The following R3HDML variants were observed in gnomAD, a reference collection of about 807,000 sequenced individuals.
R3HDML encodes the protein peptidase inhibitor R3HDML.
R3HDML carries 21 observed loss-of-function variants against 24.2 expected under a neutral mutation model. That is an observed-to-expected ratio of 0.87 (90% CI 0.62 to 1.25). R3HDML has a LOEUF of 1.25. R3HDML is among the 50% of genes most tolerant of loss of function. R3HDML has a pLI of 0.00. For synonymous variants in R3HDML, 133 were observed against 131.5 expected (o/e 1.01, Z -0.08); for missense variants, 301 against 340.3 (o/e 0.88, Z 0.91).
chr20:44,343,508 A>G lies in R3HDML; in HGVS notation c.512A>G (p.Gln171Arg), dbSNP rs1049741481. 16 of 1,600,686 alleles carry G rather than the reference A, an allele frequency of 1.0e-5. No homozygotes were observed. The highest frequency in any genetic ancestry group is 1.4e-5 in the Non-Finnish European group (16 of 1,173,836). Residue 171 changes from glutamine (Q) to arginine (R), a missense_variant and splice_region_variant, in exon 3 of 5, where the codon CAG becomes CGG. Transcript: ENST00000217043. The part of the protein sequence containing the change: ...CDGPTCSHYT[Q>R]MVWASSNRLG... Reference sequence around the variant, plus strand: ...GGCCCCACCTGCTCCCATTATACCCAGGTACTCCTCCGTCAGGGCTGAGGG... The same window carrying G: ...GGCCCCACCTGCTCCCATTATACCCGGGTACTCCTCCGTCAGGGCTGAGGG...
chr20:44,340,499 G>A (rs892155086), intron 1 of R3HDML, among the ~76,000 whole-genome samples: 5 of 152,180 alleles, frequency 3.3e-5, no homozygotes, highest in Non-Finnish European at 4.4e-5. Context: ...CTACAAGGCC[G>A]GGTGCGATCC....
Position 44,350,750 on chromosome 20 carries a change from G to A in R3HDML, c.720G>A (p.Met240Ile). 6.2e-7 allele frequency: 1 copy of A among 1,614,114 alleles called. No individual in the cohort carries two copies. Among genetic ancestry groups the A allele is most frequent in the Non-Finnish European group, 8.5e-7 (1 of 1,179,990 alleles). Residue 240 changes from methionine (M) to isoleucine (I), a missense_variant, in exon 5 of 5, where the codon ATG becomes ATA. Coordinates refer to ENST00000217043, the MANE Select transcript of R3HDML (RefSeq NM_178491.4). ...PSYQGSCNSN[M>I]CFKGLKSNKF... ...ATCAAGGCAGCTGCAATAGCAACAT[G>A]TGCTTCAAGGGGCTGAAATCCAACA...
At chr20:44,342,142 A>G (rs1003653409) in intron 2 of R3HDML, among the ~76,000 whole-genome samples, 1 of 152,220 alleles carries the variant, frequency 6.6e-6, no homozygotes, top group South Asian at 2.1e-4. Flanking sequence ...TCACAGGCCT[A>G]TAAAATTGCA....
chr20:44,347,907 G>C (rs1221278095), intron 4 of R3HDML: 1 of 150,994 alleles, frequency 6.6e-6, no homozygotes. Context: ...AGCTTTATCA[G>C]AGACAGAAAA....
chr20:44,350,025 G>T (rs764135322), intron 4 of R3HDML, among the ~76,000 whole-genome samples: 1 of 152,064 alleles, frequency 6.6e-6, no homozygotes, highest in South Asian at 2.1e-4. Context: ...AGCCAAGATC[G>T]CACCATTGCA....
intron 4 of R3HDML, among the ~76,000 whole-genome samples, chr20:44,348,026 A>G (rs192500470): frequency 1.4e-5 from 2 of 139,518 alleles, no homozygotes; most frequent in South Asian, 2.2e-4. Flanking sequence ...GTACAGTGGC[A>G]TGGTCACAGC....
chr20:44,339,062 TAAAAAAA>T (rs750054379), intron 1 of R3HDML, among the ~76,000 whole-genome samples: 26 of 111,550 alleles, frequency 2.3e-4, no homozygotes, highest in Non-Finnish European at 1.1e-4. Context: ...AAACTCTATC[TAAAAAAA>T]AAAAAAAAAA....
intron 3 of R3HDML, among the ~76,000 whole-genome samples, chr20:44,344,686 G>A (rs1184542543): frequency 4.6e-5 from 7 of 151,938 alleles, no homozygotes; most frequent in Admixed American, 4.6e-4. Context: ...GGGAGGCTGA[G>A]GCAGGAGAAT....
intron 2 of R3HDML, among the ~76,000 whole-genome samples, chr20:44,341,714 G>A (rs6017323): frequency 0.1 from 15,597 of 152,000 alleles, 952 homozygotes; most frequent in Middle Eastern, 0.17. Context: ...GTGAAACCCC[G>A]TCTCTACCAA....
chr20:44,343,686 GTTT>G (rs1480332217), intron 3 of R3HDML, among the ~76,000 whole-genome samples, 177 bp downstream of exon 3: 1 of 152,082 alleles, frequency 6.6e-6, no homozygotes, highest in Non-Finnish European at 1.5e-5. Context: ...AATCTTTTTT[GTTT>G]TTGTTTTTTG....
intron 1 of R3HDML, among the ~76,000 whole-genome samples, chr20:44,338,372 ACATTTT>A (rs2062763362): frequency 6.6e-6 from 1 of 152,222 alleles, no homozygotes; most frequent in Admixed American, 6.5e-5. Flanking sequence ...CACGAAGGTG[ACATTTT>A]AGTGGGAATA....
Position 44,343,386 on chromosome 20 carries a change from C to T in R3HDML, c.390C>T (p.Ser130=), listed in dbSNP as rs1008116245. Reference sequence around the variant, plus strand: ...TCCCCCGCCTCCCCAGGTACCGGTCCGTAGTGGATCTCATGAAGTCCTGGT... The same window carrying T: ...TCCCCCGCCTCCCCAGGTACCGGTCTGTAGTGGATCTCATGAAGTCCTGGT... ...NLSIHSGQYR[S]VVDLMKSWSE... is the part of the protein sequence containing the mutation. The change falls in exon 3 of 5, where the codon TCC becomes TCT. Residue 130 remains serine (S), a synonymous_variant. Coordinates refer to ENST00000217043, the MANE Select transcript of R3HDML (RefSeq NM_178491.4). The T allele has an allele frequency of 1.9e-6, 3 of 1,610,554 alleles. No individual in the cohort carries two copies. The highest frequency in any genetic ancestry group is 2.7e-5 in the African/African-American group (2 of 74,794).
rs113669682 is a variant in R3HDML at position 44,342,055 on chromosome 20, C to T, written c.380+741C>T. Reference sequence around the variant, plus strand: ...CTGGGTAGCCTTGGGAAGTTATTTCCACTTTCTAAACCTTGGTGTCCCTGT... The same window carrying T: ...CTGGGTAGCCTTGGGAAGTTATTTCTACTTTCTAAACCTTGGTGTCCCTGT... On this transcript the variant is annotated intron_variant, in intron 2 of 4. Transcript: ENST00000217043. Among the ~76,000 whole-genome samples, 1,041 of 152,242 alleles carry T rather than the reference C, an allele frequency of 6.8e-3. 20 individuals carry two copies. The highest frequency in any genetic ancestry group is 0.024 in the African/African-American group (1,007 of 41,536).
chr20:44,337,768 G>A lies in R3HDML; in HGVS notation c.261+350G>A, dbSNP rs1274245334. Among the ~76,000 whole-genome samples the A allele has an allele frequency of 1.3e-5, 2 of 150,284 alleles. No individual in the cohort carries two copies. The highest frequency in any genetic ancestry group is 3.0e-5 in the Non-Finnish European group (2 of 67,678). ...TTTGCCCAGCCAGGATTTCAATCCA[G>A]GTCTGCCTGCTGCCACCTGGCACCA... On this transcript the variant is annotated intron_variant, in intron 1 of 4. Coordinates refer to ENST00000217043, the MANE Select transcript of R3HDML (RefSeq NM_178491.4). This position sits in a 1 kb window ranked among gnomAD's most constrained non-coding sequence, Gnocchi z 4.7.
rs185106341 is a variant in R3HDML, at chr20:44,337,559, G to C, written c.261+141G>C. On this transcript the variant is annotated intron_variant, in intron 1 of 4. Coordinates refer to ENST00000217043, the MANE Select transcript of R3HDML (RefSeq NM_178491.4). This position sits in a 1 kb window ranked among gnomAD's most constrained non-coding sequence, Gnocchi z 4.7. ...CCCCACTAGCCAGTATCTGGGTGTC[G>C]ACCTGTGGAAAGGGCAGGAGTTAAT... 2.3e-3 allele frequency: 2,076 copies of C among 895,262 alleles called. 14 individuals carry two copies. The highest frequency in any genetic ancestry group is 0.012 in the East Asian group (444 of 37,738). The allele number at this position is 895,262 out of a possible 1,614,324, so 55.5% of individuals were successfully genotyped here.
rs763677571 is a variant in R3HDML at position 44,350,649 on chromosome 20, T to G, written c.630-11T>G. The G allele has an allele frequency of 6.2e-7, 1 of 1,611,544 alleles. No homozygotes were observed. The highest frequency in any genetic ancestry group is 1.3e-5 in the African/African-American group (1 of 74,770). ...TGCTCCTCTGTCTCCCTGGGTCCTT[T>G]TCTCTTCCAGGGGCAACTGGATTGG... is the stretch of plus-strand genomic sequence containing the variant. On this transcript the variant is annotated splice_polypyrimidine_tract_variant and intron_variant, in intron 4 of 4. Transcript: ENST00000217043.
At position 44,341,309 on chromosome 20, in the gene R3HDML, TG is replaced by T. The variant is rs567545745; in HGVS notation, c.377del (p.Gly126AlafsTer6). 3,743 of 1,611,634 alleles carry T rather than the reference TG, an allele frequency of 2.3e-3. 7 individuals carry two copies. The highest frequency in any genetic ancestry group is 2.8e-3 in the Non-Finnish European group (3,342 of 1,177,824). On this transcript the variant is annotated frameshift_variant, in exon 2 of 5. Transcript: ENST00000217043. LOFTEE classifies it high-confidence loss of function. ...YVGQNLSIHS[G>X]QYRSVVDLMK... ...TGGGCCAGAACCTCTCCATCCATTCTGGCCAGTGAGTGACCCTCTGCCCTTC... is the reference window on the plus strand; with the variant it reads ...TGGGCCAGAACCTCTCCATCCATTCTGCCAGTGAGTGACCCTCTGCCCTTC...
At chr20:44,350,031 T>C (rs776732134) in intron 4 of R3HDML, among the ~76,000 whole-genome samples, 1 of 151,842 alleles carries the variant, frequency 6.6e-6, no homozygotes, top group Admixed American at 6.6e-5. Context: ...GATCGCACCA[T>C]TGCATTCCAG....
chr20:44,340,871 TTA>T (rs1185403093), intron 1 of R3HDML, among the ~76,000 whole-genome samples: 1 of 151,978 alleles, frequency 6.6e-6, no homozygotes, highest in Non-Finnish European at 1.5e-5. Flanking sequence ...AATTTAAGAA[TTA>T]GTTATTTTCT....
Sources: gnomAD v4.1 joint callset for allele counts (sites outside exome capture counted in the v4.1 genomes callset) on GRCh38, gnomAD v4.1.1 for gene constraint, Gnocchi (gnomAD v3.1) non-coding constraint, MANE v1.5 for transcripts, NCBI Gene and HGNC (gene_info 2026-07-23, HGNC 2026-07-21) for gene names.